Variants in PRKN observed in about 807,000 individuals in gnomAD.
PRKN encodes the protein parkin RBR E3 ubiquitin protein ligase.
A neutral mutation model predicts 59.5 loss-of-function variants in PRKN; 56 were observed. The ratio of observed to expected loss-of-function variants is 0.94; its 90% CI spans 0.76 to 1.18. The LOEUF (loss-of-function observed/expected upper bound fraction) is 1.18. Ranked by LOEUF, PRKN falls within the 50% of genes most tolerant of loss-of-function variation. PRKN has a pLI of 0.00. For missense variants in PRKN, 657 were observed against 596.4 expected, an observed-to-expected ratio of 1.10 and a Z score of -1.06; for synonymous variants, 250 against 222.1, an observed-to-expected ratio of 1.13 and a Z score of -1.12.
At chr6:161,805,116 A>C (rs551307796) in intron 6 of PRKN, among the ~76,000 whole-genome samples, 2 of 152,314 alleles carry the variant, frequency 1.3e-5, no homozygotes, top group African/African-American at 4.8e-5. Context: ...GAAATTTAAC[A>C]GTGGGAGGCT....
intron 2 of PRKN, among the ~76,000 whole-genome samples, chr6:162,439,792 T>G (rs1472842219): frequency 7.0e-6 from 1 of 143,594 alleles, no homozygotes; most frequent in African/African-American, 2.8e-5. Flanking sequence ...TTTGTAATGC[T>G]GTTAATGTTT....
chr6:162,372,150 G>T (rs1193275505), intron 2 of PRKN, among the ~76,000 whole-genome samples: 1 of 152,134 alleles, frequency 6.6e-6, no homozygotes, highest in Non-Finnish European at 1.5e-5. Context: ...TCAGTCTGTT[G>T]TCCCTGCACA....
At chr6:162,193,314 T>A (rs970324133) in intron 4 of PRKN, among the ~76,000 whole-genome samples, 3 of 152,206 alleles carry the variant, frequency 2.0e-5, no homozygotes, top group Non-Finnish European at 4.4e-5. Flanking sequence ...TGGCTAAAAT[T>A]GCCGGCAGCT....
intron 1 of PRKN, among the ~76,000 whole-genome samples, chr6:162,496,242 A>G (rs549831310): frequency 3.9e-5 from 6 of 152,076 alleles, no homozygotes; most frequent in Non-Finnish European, 8.8e-5. Context: ...GTCTCGGGGG[A>G]AAAAAAAGAA....
intron 2 of PRKN, among the ~76,000 whole-genome samples, chr6:162,354,748 A>G (rs181633571): frequency 1.3e-5 from 2 of 152,004 alleles, no homozygotes; most frequent in African/African-American, 4.8e-5. Flanking sequence ...CTATCCTCAG[A>G]TGTTTTACTC....
At chr6:161,464,204 G>C (rs1013608346) in intron 9 of PRKN, among the ~76,000 whole-genome samples, 22 of 152,220 alleles carry the variant, frequency 1.4e-4, no homozygotes, top group South Asian at 2.1e-4. Flanking sequence ...AGTAGAGACA[G>C]GGTTTCTCCA....
chr6:161,551,425 A>G lies in PRKN; in HGVS notation c.934-2422T>C, dbSNP rs887989213. ...GTTATGAGGTCAGATGTGATTATCC[A>G]ACCTCTGCAGGGAAGGTGAGAAAAC... On this transcript the variant is annotated intron_variant, in intron 8 of 11. Coordinates refer to ENST00000366898, the MANE Select transcript of PRKN (RefSeq NM_004562.3). This position sits in a 1 kb window ranked among gnomAD's most constrained non-coding sequence, Gnocchi z 5.2. Among the ~76,000 whole-genome samples, 1 of 152,200 alleles carries G rather than the reference A, an allele frequency of 6.6e-6. No individual in the cohort carries two copies. The highest frequency in any genetic ancestry group is 2.4e-5 in the African/African-American group (1 of 41,460).
chr6:161,972,262 G>A lies in PRKN; in HGVS notation c.734+1040C>T, dbSNP rs1030185016. On this transcript the variant is annotated intron_variant, in intron 6 of 11. Transcript: ENST00000366898. Reference sequence around the variant, plus strand: ...GCACTCCAGCCTGAGCAACAAGAGCGAAACTCCTTCTCAAAAAAAAAAAAA... The same window carrying A: ...GCACTCCAGCCTGAGCAACAAGAGCAAAACTCCTTCTCAAAAAAAAAAAAA... Among the ~76,000 whole-genome samples the A allele has an allele frequency of 1.0e-4, 14 of 136,628 alleles. No individual in the cohort carries two copies. The South Asian group carries it at 2.1e-3, about 21-fold the overall frequency. 89.6% of individuals were successfully genotyped at this position (136,628 alleles called of 152,430 possible). A position where few individuals can be genotyped will look rare whatever the true frequency, so the allele number is the denominator to read the frequency against.
At position 161,582,170 on chromosome 6, in the gene PRKN, G is replaced by A. The variant is rs1022293864; in HGVS notation, c.872-12754C>T. On this transcript the variant is annotated intron_variant, in intron 7 of 11. Transcript: ENST00000366898. This position sits in a 1 kb window ranked among gnomAD's most constrained non-coding sequence, Gnocchi z 4.4. Reference sequence around the variant, plus strand: ...GCTCTCTGGCTCACAGAAAGTAACAGTTTTAAAGGAGATATTTTAAAAGGT... The same window carrying A: ...GCTCTCTGGCTCACAGAAAGTAACAATTTTAAAGGAGATATTTTAAAAGGT... 3.3e-5 allele frequency among the ~76,000 whole-genome samples: 5 copies of A among 152,158 alleles called. No homozygotes were observed. The highest frequency in any genetic ancestry group is 7.3e-5 in the Non-Finnish European group (5 of 68,034).
intron 5 of PRKN, among the ~76,000 whole-genome samples, chr6:162,052,936 T>C (rs959758726): frequency 1.3e-5 from 2 of 152,164 alleles, no homozygotes; most frequent in Non-Finnish European, 2.9e-5. Context: ...TTATGTATGC[T>C]ATAATATATA....
At chr6:161,639,080 C>G (rs1432495964) in intron 7 of PRKN, among the ~76,000 whole-genome samples, 1 of 152,142 alleles carries the variant, frequency 6.6e-6, no homozygotes, top group Non-Finnish European at 1.5e-5. Flanking sequence ...GGCACTTCTC[C>G]TTGCTGCCGC....
At chr6:161,574,128 A>C (rs10945757) in intron 7 of PRKN, among the ~76,000 whole-genome samples, 46,972 of 151,848 alleles carry the variant, frequency 0.31, 8,027 homozygotes, top group Middle Eastern at 0.46. Context: ...CAAGATATTT[A>C]AGAAGACCGT....
intron 2 of PRKN, among the ~76,000 whole-genome samples, chr6:162,386,099 C>T (rs1767700191): frequency 6.6e-6 from 1 of 152,108 alleles, no homozygotes; most frequent in South Asian, 2.1e-4. Context: ...CAACCATCTC[C>T]TAGTGACTCA....
intron 7 of PRKN, among the ~76,000 whole-genome samples, chr6:161,605,320 T>G (rs533564432): frequency 5.6e-4 from 86 of 152,306 alleles, no homozygotes; most frequent in South Asian, 1.0e-3. Flanking sequence ...TATGTGCATA[T>G]ATATTACATG....
intron 9 of PRKN, among the ~76,000 whole-genome samples, chr6:161,392,240 CT>C (rs1288967338): frequency 2.6e-5 from 4 of 151,596 alleles, no homozygotes; most frequent in Non-Finnish European, 5.9e-5. Flanking sequence ...CAAAAATTAG[CT>C]GGCATGGTGG....
intron 6 of PRKN, among the ~76,000 whole-genome samples, chr6:161,930,675 A>G (rs1779139720): frequency 1.3e-5 from 2 of 152,258 alleles, no homozygotes; most frequent in African/African-American, 2.4e-5. Context: ...GCAAATAGGA[A>G]TATGTTACTT....
At chr6:161,394,559 C>T (rs1470757666) in intron 9 of PRKN, among the ~76,000 whole-genome samples, 2 of 152,132 alleles carry the variant, frequency 1.3e-5, no homozygotes, top group African/African-American at 2.4e-5. Flanking sequence ...CCCGAAAATC[C>T]CCTTTTCTTA....
intron 2 of PRKN, among the ~76,000 whole-genome samples, chr6:162,365,011 G>T (rs896856689): frequency 7.1e-6 from 1 of 140,604 alleles, no homozygotes. Context: ...TATGTAGTGT[G>T]GGATTTTCTT....
Position 161,727,413 on chromosome 6 carries a change from T to C in PRKN, c.871+58359A>G, listed in dbSNP as rs1787488720. 2.6e-5 allele frequency among the ~76,000 whole-genome samples: 4 copies of C among 152,254 alleles called. No homozygotes were observed. In the South Asian group the frequency reaches 8.3e-4, roughly 32 times the overall value. ...CTCAGTGATGGATCCTTCCCATAAA[T>C]AACAGGGCCTAATGTGCTCATGAGA... On this transcript the variant is annotated intron_variant, in intron 7 of 11. Transcript: ENST00000366898.
Sources: gnomAD v4.1 joint callset for allele counts (sites outside exome capture counted in the v4.1 genomes callset) on GRCh38, gnomAD v4.1.1 for gene constraint, Gnocchi (gnomAD v3.1) non-coding constraint, MANE v1.5 for transcripts, NCBI Gene and HGNC (gene_info 2026-07-23, HGNC 2026-07-21) for gene names.